Variants in FAM53B observed in about 807,000 individuals in gnomAD.
FAM53B encodes family with sequence similarity 53 member B, also known as protein FAM53B.
In FAM53B, 12 loss-of-function variants were observed where a neutral mutation model predicts 32.7. That is an observed-to-expected ratio of 0.37 (90% CI 0.24 to 0.59). The LOEUF (loss-of-function observed/expected upper bound fraction) is 0.59. FAM53B is among the 20% of genes least tolerant of loss of function. The pLI, the probability that FAM53B is intolerant of heterozygous loss-of-function variation, is 0.72. For synonymous variants in FAM53B, 234 were observed against 228.7 expected (o/e 1.02, Z -0.21); for missense variants, 477 against 577.7 (o/e 0.83, Z 1.79).
intron 1 of FAM53B, among the ~76,000 whole-genome samples, 171 bp downstream of exon 1, chr10:124,743,842 C>T (rs1303937877): frequency 6.7e-6 from 1 of 149,578 alleles, no homozygotes; most frequent in Non-Finnish European, 1.5e-5. Context: ...CGAAACAAGG[C>T]AGAAAAAAAG....
intron 4 of FAM53B, among the ~76,000 whole-genome samples, chr10:124,648,177 G>T (rs1190519446): frequency 1.3e-5 from 2 of 152,256 alleles, no homozygotes; most frequent in Non-Finnish European, 2.9e-5. Flanking sequence ...AAGCTTCTGG[G>T]AGGAAACCAA....
chr10:124,717,915 C>T (rs1950046750), intron 1 of FAM53B, among the ~76,000 whole-genome samples: 1 of 152,172 alleles, frequency 6.6e-6, no homozygotes, highest in Non-Finnish European at 1.5e-5. Context: ...TCCTGCAGGA[C>T]AATCCACCCC....
intron 1 of FAM53B, among the ~76,000 whole-genome samples, chr10:124,728,347 C>T (rs1264732302): frequency 6.6e-6 from 1 of 152,232 alleles, no homozygotes; most frequent in African/African-American, 2.4e-5. Flanking sequence ...GCTGTGGCAC[C>T]CATTCTATGG....
chr10:124,636,697 G>A (rs186941073), intron 4 of FAM53B, among the ~76,000 whole-genome samples: 6 of 151,912 alleles, frequency 3.9e-5, no homozygotes, highest in African/African-American at 9.7e-5. Context: ...CCCATCCTGC[G>A]GAGGTTAGAG....
intron 4 of FAM53B, among the ~76,000 whole-genome samples, chr10:124,659,838 C>T (rs1157257392): frequency 6.6e-6 from 1 of 152,256 alleles, no homozygotes; most frequent in African/African-American, 2.4e-5. Context: ...CGGAGTCTCG[C>T]TCTTGTCACC....
At chr10:124,741,929 A>C (rs1481483902) in intron 1 of FAM53B, among the ~76,000 whole-genome samples, 1 of 152,246 alleles carries the variant, frequency 6.6e-6, no homozygotes, top group Non-Finnish European at 1.5e-5. Context: ...GGAACATTCA[A>C]GTCCACTTCT....
chr10:124,639,224 C>G (rs1184965744), intron 4 of FAM53B, among the ~76,000 whole-genome samples: 1 of 152,104 alleles, frequency 6.6e-6, no homozygotes. Context: ...GTATTTTCTA[C>G]CAGGACCGGG....
chr10:124,635,871 C>G (rs532467346), intron 4 of FAM53B, among the ~76,000 whole-genome samples: 18 of 152,294 alleles, frequency 1.2e-4, no homozygotes, highest in Non-Finnish European at 2.5e-4. Context: ...GTTTACTATT[C>G]AAGAGAACAA....
chr10:124,628,369 C>T (rs1001049609), intron 4 of FAM53B, among the ~76,000 whole-genome samples: 2 of 152,160 alleles, frequency 1.3e-5, no homozygotes. Context: ...CCCTTTGTCC[C>T]GGTTGCCTCC....
chr10:124,661,907 G>A (rs532014190), intron 4 of FAM53B, among the ~76,000 whole-genome samples: 29 of 152,360 alleles, frequency 1.9e-4, no homozygotes, highest in Admixed American at 3.9e-4. Context: ...CCTAGATGAC[G>A]TCATGTGAGA....
intron 4 of FAM53B, among the ~76,000 whole-genome samples, chr10:124,650,480 GCA>G (rs1412554203): frequency 6.6e-6 from 1 of 151,474 alleles, no homozygotes; most frequent in Non-Finnish European, 1.5e-5. Context: ...TGCCAAGCAC[GCA>G]CAGTGTGGCC....
chr10:124,713,190 G>A (rs1001165075), intron 1 of FAM53B, among the ~76,000 whole-genome samples: 3 of 152,204 alleles, frequency 2.0e-5, no homozygotes, highest in Non-Finnish European at 4.4e-5. Context: ...ATCCTCTCAC[G>A]TTCCTATGAA....
intron 4 of FAM53B, among the ~76,000 whole-genome samples, chr10:124,646,095 T>G (rs1949511280): frequency 6.6e-6 from 1 of 152,174 alleles, no homozygotes; most frequent in Non-Finnish European, 1.5e-5. Context: ...ACAGCAATGT[T>G]GCCCCCAGCT....
At chr10:124,726,125 G>T (rs1294718484) in intron 1 of FAM53B, among the ~76,000 whole-genome samples, 2 of 152,188 alleles carry the variant, frequency 1.3e-5, no homozygotes, top group African/African-American at 2.4e-5. Context: ...GGTTGAGTCC[G>T]GTGGTTCCTA....
rs1008377050 is a variant in FAM53B at position 124,696,478 on chromosome 10, G to A, written c.79-266C>T. 5.9e-5 allele frequency among the ~76,000 whole-genome samples: 9 copies of A among 152,206 alleles called. No individual in the cohort carries two copies. In the East Asian group the frequency reaches 1.2e-3, roughly 20 times the overall value. On this transcript the variant is annotated intron_variant, in intron 2 of 4. Transcript: ENST00000337318. ...CAGAAAGCCCCACGACTTCTGACAC[G>A]AGGGGATTTTTCCACATAAGTGATG...
intron 4 of FAM53B, among the ~76,000 whole-genome samples, chr10:124,652,324 T>C (rs1165850934): frequency 6.6e-6 from 1 of 152,162 alleles, no homozygotes. Context: ...AGGGGTGAAC[T>C]GAGCAAGGAA....
intron 4 of FAM53B, among the ~76,000 whole-genome samples, chr10:124,656,222 G>A (rs1366838381): frequency 6.6e-6 from 1 of 152,244 alleles, no homozygotes; most frequent in Admixed American, 6.5e-5. Flanking sequence ...ACAACCAAGA[G>A]GCGTCTAGGT....
At chr10:124,720,284 A>G (rs1322420491) in intron 1 of FAM53B, among the ~76,000 whole-genome samples, 3 of 148,026 alleles carry the variant, frequency 2.0e-5, no homozygotes, top group Non-Finnish European at 4.5e-5. Flanking sequence ...AGCCTAGGCA[A>G]TATAGTGAGA....
chr10:124,672,970 C>A (rs1041727184), intron 4 of FAM53B, among the ~76,000 whole-genome samples: 1 of 152,216 alleles, frequency 6.6e-6, no homozygotes, highest in African/African-American at 2.4e-5. Flanking sequence ...GAGGGACTTA[C>A]AATGAGCACA....
Sources: allele counts gnomAD v4.1 joint callset (sites outside exome capture counted in the v4.1 genomes callset), GRCh38; gene constraint gnomAD v4.1.1; transcripts MANE v1.5; gene names NCBI Gene and HGNC (gene_info 2026-07-23, HGNC 2026-07-21).